The following IDS variants were observed in gnomAD, a reference collection of about 807,000 sequenced individuals.
The protein encoded by IDS is alpha-L-iduronate sulfate sulfatase.
In IDS, 1 loss-of-function variant was observed where a neutral mutation model predicts 33.5. The observed-to-expected ratio is 0.03, with a 90% confidence interval of 0.01 to 0.14. The LOEUF is 0.14. Among genes scored for constraint, IDS ranks in the 10% least tolerant of loss-of-function variants. IDS has a pLI of 1.00. For missense variants in IDS, 328 were observed against 448.0 expected, an observed-to-expected ratio of 0.73 and a Z score of 2.42; for synonymous variants, 191 against 184.4, an observed-to-expected ratio of 1.04 and a Z score of -0.29.
At chrX:149,497,718 C>T (rs1557339446) in intron 5 of IDS, among the ~76,000 whole-genome samples, 1 of 112,276 alleles carries the variant, frequency 8.9e-6, no homozygotes, top group East Asian at 2.8e-4. Flanking sequence ...TCAGGGGGAA[C>T]AGGCAGTTTT....
chrX:149,489,975 C>T (rs1246278502), intron 7 of IDS, among the ~76,000 whole-genome samples: 1 of 109,360 alleles, frequency 9.1e-6, no homozygotes, highest in Non-Finnish European at 1.9e-5. Context: ...GGATCCTCTC[C>T]ACCCAAACTA....
intron 2 of IDS, among the ~76,000 whole-genome samples, chrX:149,503,751 G>A (rs1232806905): frequency 4.5e-5 from 5 of 112,288 alleles, no homozygotes; most frequent in Admixed American, 9.3e-5. Flanking sequence ...CACACAGAGC[G>A]GCCAGTGTTG....
intron 7 of IDS, among the ~76,000 whole-genome samples, chrX:149,490,102 C>A (rs1169444073): frequency 9.3e-6 from 1 of 107,654 alleles, no homozygotes; most frequent in African/African-American, 3.4e-5. Context: ...GACCCTCCCC[C>A]ACCCACCCAC....
intron 5 of IDS, 39 bp downstream of exon 5, chrX:149,498,064 GCTGT>G: frequency 9.1e-7 from 1 of 1,096,407 alleles, no homozygotes; most frequent in Non-Finnish European, 1.3e-6. Flanking sequence ...AAACAACACA[GCTGT>G]CACAGCTGTG....
rs781805300 is a variant in IDS, at chrX:149,486,962, G to A, written c.1143C>T (p.Leu381=). 10 of 1,210,269 alleles carry A rather than the reference G, an allele frequency of 8.3e-6. No individual in the cohort carries two copies. In the South Asian group the frequency reaches 1.1e-4, roughly 13 times the overall value. The change falls in exon 8 of 9, where the codon CTC becomes CTT. Residue 381 remains leucine (L), a synonymous_variant. Transcript: ENST00000340855. ...PEAGEKLFPY[L]DPFDSASQLM... ...ACTGTGAGGCGGAATCAAAAGGGTC[G>A]AGGTAAGGGAAAAGCTTCTCGCCTG...
At position 149,482,979 on chromosome X, in the gene IDS, G is replaced by T. The variant is rs199982552; in HGVS notation, c.1420C>A (p.Gln474Lys). The change falls in exon 9 of 9, where the codon CAG becomes AAG. Residue 474 changes from glutamine to lysine, a missense_variant. By Grantham distance (53) the Gln-to-Lys change is moderately conservative. Transcript: ENST00000340855. Reference protein sequence around the residue: ...SQYPRPSDIPQWNSDKPSLKD... With the variant: ...SQYPRPSDIPKWNSDKPSLKD... ...AAACTCGGCTTGTCAGAATTCCACTGAGGGATGTCTGAAGGCCGGGGATAC... is the reference window on the plus strand; with the variant it reads ...AAACTCGGCTTGTCAGAATTCCACTTAGGGATGTCTGAAGGCCGGGGATAC... The T allele has an allele frequency of 8.3e-7, 1 of 1,208,809 alleles. No individual in the cohort carries two copies. The highest frequency in any genetic ancestry group is 1.7e-5 in the African/African-American group (1 of 57,215).
chrX:149,484,746 C>G (rs6641321), intron 8 of IDS, among the ~76,000 whole-genome samples: 3 of 111,703 alleles, frequency 2.7e-5, no homozygotes, highest in Non-Finnish European at 5.7e-5. Context: ...GTTAAAATTG[C>G]AATTGGATTT....
chrX:149,496,423 T>A lies in IDS; in HGVS notation c.802A>T (p.Met268Leu). The A allele has an allele frequency of 8.3e-7, 1 of 1,210,307 alleles. No individual in the cohort carries two copies. Among genetic ancestry groups the A allele is most frequent in the South Asian group, 1.8e-5 (1 of 56,955 alleles). ...ACGTCTTCCCGTTGCCTGATGTCCA[T>A]CCAGGGGTTGTAGGCCACAGGGGGT... Reference protein sequence around the residue: ...GLPPVAYNPWMDIRQREDVQA... With the variant: ...GLPPVAYNPWLDIRQREDVQA... Residue 268 changes from methionine (M) to leucine (L), a missense_variant, in exon 6 of 9, where the codon ATG becomes TTG. Physicochemically the swap from Met to Leu is conservative, Grantham distance 15. Coordinates refer to ENST00000340855, the MANE Select transcript of IDS (RefSeq NM_000202.8).
Position 149,482,863 on chromosome X carries a change from A to G in IDS, c.1536T>C (p.Ala512=), listed in dbSNP as rs782673868. The change falls in exon 9 of 9, where the codon GCT becomes GCC. Residue 512 remains alanine, a synonymous_variant. Coordinates refer to ENST00000340855, the MANE Select transcript of IDS (RefSeq NM_000202.8). The stretch of plus-strand genomic sequence containing the variant: ...CCCCTGCATGGATGTCAGAAAAGTT[A>G]GCTAGAAATTCATCAGGATTGAAGC... ...WVGFNPDEFL[A]NFSDIHAGEL... The G allele has an allele frequency of 5.0e-6, 6 of 1,210,369 alleles. No homozygotes were observed. Among genetic ancestry groups the G allele is most frequent in the Non-Finnish European group, 5.6e-6 (5 of 895,264 alleles).
rs782271227 is a variant in IDS at position 149,504,124 on chromosome X, C to T, written c.240+33G>A. On this transcript the variant is annotated intron_variant, in intron 2 of 8. Coordinates refer to ENST00000340855, the MANE Select transcript of IDS (RefSeq NM_000202.8). ...CCCCAACCCTCAGTGCACGAAGCAG[C>T]ACACACCCACAGCTAGAGGTTCCCA... 3.1e-5 allele frequency: 37 copies of T among 1,180,769 alleles called. No individual in the cohort carries two copies. In the South Asian group the frequency reaches 6.3e-4, roughly 20 times the overall value.
rs1179358814 is a variant in IDS, at chrX:149,481,652, C to T, written c.*1094G>A. The T allele has an allele frequency of 2.7e-5, 3 of 111,959 alleles. No individual in the cohort carries two copies. The highest frequency in any genetic ancestry group is 5.6e-5 in the Non-Finnish European group (3 of 53,169). The allele number at this position is 111,959 out of a possible 1,213,427, so 9.2% of individuals were successfully genotyped here. On this transcript the variant is annotated 3_prime_UTR_variant, in exon 9 of 9. Coordinates refer to ENST00000340855, the MANE Select transcript of IDS (RefSeq NM_000202.8). The stretch of plus-strand genomic sequence containing the variant: ...ATTCCATCCCTTTTGAGATTATATA[C>T]ACTAAGCTTTTTACTACCACTGGCC...
intron 8 of IDS, among the ~76,000 whole-genome samples, chrX:149,483,569 C>G (rs1557337698): frequency 8.9e-6 from 1 of 112,020 alleles, no homozygotes; most frequent in Non-Finnish European, 1.9e-5. Context: ...GATATTCTGA[C>G]TCCCACAGGA....
At chrX:149,491,457 G>A (rs782046669) in intron 6 of IDS, 71 of 731,961 alleles carry the variant, frequency 9.7e-5, no homozygotes, top group Non-Finnish European at 1.2e-4. Context: ...CCGTGTCTTC[G>A]CAGACCAGCC....
At chrX:149,487,282 T>C (rs1165850770) in intron 7 of IDS, 184 bp from the exon 8 acceptor site, 3 of 1,204,626 alleles carry the variant, frequency 2.5e-6, no homozygotes, top group Non-Finnish European at 3.4e-6. Flanking sequence ...GCTGCTTTAT[T>C]CAAAATCAGG....
In IDS at chrX:149,478,692, A is replaced by G. The variant is rs987893178; in HGVS notation, c.*4054T>C. 3 of 112,592 alleles carry G rather than the reference A, an allele frequency of 2.7e-5. No homozygotes were observed. Among genetic ancestry groups the G allele is most frequent in the African/African-American group, 9.7e-5 (3 of 30,962 alleles). The allele number at this position is 112,592 out of a possible 1,213,427, so 9.3% of individuals were successfully genotyped here. On this transcript the variant is annotated 3_prime_UTR_variant, in exon 9 of 9. Transcript: ENST00000340855. Reference sequence around the variant, plus strand: ...CATCTCCAGTTTTCACATGTTCCAGATTTTATGCAATGAGCATATATTACT... The same window carrying G: ...CATCTCCAGTTTTCACATGTTCCAGGTTTTATGCAATGAGCATATATTACT...
At position 149,505,195 on chromosome X, in the gene IDS, G is replaced by A; in HGVS notation, c.-58C>T. 1 of 872,426 alleles carries A rather than the reference G, an allele frequency of 1.1e-6. No individual in the cohort carries two copies. Among genetic ancestry groups the A allele is most frequent in the African/African-American group, 2.0e-5 (1 of 50,196 alleles). The allele number at this position is 872,426 out of a possible 1,213,427, so 71.9% of individuals were successfully genotyped here. A position where few individuals can be genotyped will look rare whatever the true frequency, so the allele number is the denominator to read the frequency against. On this transcript the variant is annotated 5_prime_UTR_variant, in exon 1 of 9. Transcript: ENST00000340855. ...GGGACAGGCTGCAGCAGGTGGCGCA[G>A]TTAGCAGCCGCCGCCGCAGCCACAG...
In IDS at chrX:149,504,192, A is replaced by T. The variant is rs1557340397; in HGVS notation, c.205T>A (p.Ser69Thr). ...GCATTCTGGAAGAGGAGGCTGTGGG[A>T]TGCCAGTTGGTCAATATTTGGGGAC... is the stretch of plus-strand genomic sequence containing the variant. ...VRSPNIDQLA[S>T]HSLLFQNAFA... The change falls in exon 2 of 9, where the codon TCC becomes ACC. Residue 69 changes from serine to threonine, a missense_variant. Ser to Thr is a moderately conservative substitution (Grantham distance 58). Transcript: ENST00000340855. The T allele has an allele frequency of 4.1e-6, 5 of 1,209,448 alleles. No individual in the cohort carries two copies. The Admixed American group carries it at 1.1e-4, about 26-fold the overall frequency.
intron 8 of IDS, 145 bp from the exon 9 acceptor site, chrX:149,483,363 AAC>A (rs781917200): frequency 1.4e-5 from 7 of 484,613 alleles, no homozygotes; most frequent in Non-Finnish European, 2.5e-5. Context: ...GACGTTTAGA[AAC>A]ACCACCTCGG....
intron 4 of IDS, among the ~76,000 whole-genome samples, chrX:149,498,989 T>C (rs1313344514): frequency 1.8e-5 from 2 of 112,065 alleles, no homozygotes; most frequent in African/African-American, 6.5e-5. Flanking sequence ...TAGTCAAAAG[T>C]AGAAACAACC....
Sources: gnomAD v4.1 joint callset for allele counts (sites outside exome capture counted in the v4.1 genomes callset) on GRCh38, gnomAD v4.1.1 for gene constraint, MANE v1.5 for transcripts, NCBI Gene and HGNC (gene_info 2026-07-23, HGNC 2026-07-21) for gene names.